The following OTULINL variants were observed in gnomAD, a reference collection of about 807,000 sequenced individuals.
OTULINL encodes the protein inactive ubiquitin thioesterase OTULINL.
A neutral mutation model predicts 43.9 loss-of-function variants in OTULINL; 42 were observed. The observed-to-expected ratio is 0.96, with a 90% CI of 0.75 to 1.24. The LOEUF (loss-of-function observed/expected upper bound fraction) is 1.24, where lower values mean the gene tolerates loss of function less well. OTULINL is among the 50% of genes most tolerant of loss of function. The probability of loss-of-function intolerance (pLI) is 0.00; values close to 1 mark genes in which losing one functional copy is unlikely to be tolerated. For missense variants in OTULINL, 411 were observed against 426.4 expected, an observed-to-expected ratio of 0.96 and a Z score of 0.32; for synonymous variants, 172 against 153.6, an observed-to-expected ratio of 1.12 and a Z score of -0.88.
chr5:14,601,953 T>C (rs1759395931), intron 4 of OTULINL, among the ~76,000 whole-genome samples: 1 of 152,246 alleles, frequency 6.6e-6, no homozygotes, highest in African/African-American at 2.4e-5. Context: ...GTCGCATCCC[T>C]TATCTGCCCA....
intron 5 of OTULINL, 55 bp from the exon 6 acceptor site, chr5:14,607,275 G>T (rs1759499155): frequency 1.1e-5 from 17 of 1,578,924 alleles, no homozygotes; most frequent in Non-Finnish European, 1.4e-5. Context: ...ACAGCAAATT[G>T]TGTGTAATAA....
At chr5:14,603,837 C>T (rs1400360930) in intron 5 of OTULINL, among the ~76,000 whole-genome samples, 1 of 151,880 alleles carries the variant, frequency 6.6e-6, no homozygotes, top group African/African-American at 2.4e-5. Flanking sequence ...TGCAGTATGT[C>T]TAATATAGGA....
In OTULINL at chr5:14,613,579, A is replaced by G. The variant is rs2126789922; in HGVS notation, c.*3265A>G. Among the ~76,000 whole-genome samples the G allele has an allele frequency of 6.6e-6, 1 of 152,312 alleles. No homozygotes were observed. Among genetic ancestry groups the G allele is most frequent in the Middle Eastern group, 3.4e-3 (1 of 294 alleles). On this transcript the variant is annotated 3_prime_UTR_variant, in exon 8 of 8. Coordinates refer to ENST00000274217, the MANE Select transcript of OTULINL (RefSeq NM_019018.3). ...AATCGTGTTTTATCTCCAAAGTAAA[A>G]TGATAACTATGGGTGGCTTCTGGGC...
rs950182224 is a variant in OTULINL, at chr5:14,613,061, T to G, written c.*2747T>G. The stretch of plus-strand genomic sequence containing the variant: ...CCTCAGCCTCCCGAGTAGCCGGGAT[T>G]ACAGGTGCCCACCACTACGCTCGAC... On this transcript the variant is annotated 3_prime_UTR_variant, in exon 8 of 8. Coordinates refer to ENST00000274217, the MANE Select transcript of OTULINL (RefSeq NM_019018.3). Among the ~76,000 whole-genome samples, 2 of 152,178 alleles carry G rather than the reference T, an allele frequency of 1.3e-5. No individual in the cohort carries two copies. The highest frequency in any genetic ancestry group is 1.3e-4 in the Admixed American group (2 of 15,274).
chr5:14,609,066 A>G, intron 7 of OTULINL, 49 bp downstream of exon 7: 2 of 1,566,408 alleles, frequency 1.3e-6, no homozygotes, highest in Non-Finnish European at 1.7e-6. Context: ...ATGCTGTGGC[A>G]CTATTTGAAC....
In OTULINL at chr5:14,611,070, T is replaced by G. The variant is rs373677589; in HGVS notation, c.*756T>G. ...GACAGTTATTGAACTATCACAAAAC[T>G]ATTAAACTGTGGTACATTTAATGTG... On this transcript the variant is annotated 3_prime_UTR_variant, in exon 8 of 8. Transcript: ENST00000274217. 10 of 152,340 alleles carry G rather than the reference T, an allele frequency of 6.6e-5. No individual in the cohort carries two copies. In the East Asian group the frequency reaches 1.7e-3, roughly 26 times the overall value. The allele number at this position is 152,340 out of a possible 1,614,324, so 9.4% of individuals were successfully genotyped here. A position where few individuals can be genotyped will look rare whatever the true frequency, so the allele number is the denominator to read the frequency against.
chr5:14,611,723 C>T lies in OTULINL; in HGVS notation c.*1409C>T, dbSNP rs551560335. On this transcript the variant is annotated 3_prime_UTR_variant, in exon 8 of 8. Transcript: ENST00000274217. ...TTTGATAGTTTTTTTTTTGGAGGTA[C>T]TTTGCTAGTCTGTTTTGAGTTTCAG... The T allele has an allele frequency of 6.6e-6, 1 of 151,674 alleles. No homozygotes were observed. The highest frequency in any genetic ancestry group is 1.9e-4 in the East Asian group (1 of 5,168). 9.4% of individuals were successfully genotyped at this position (151,674 alleles called of 1,614,324 possible). A position where few individuals can be genotyped will look rare whatever the true frequency, so the allele number is the denominator to read the frequency against.
At chr5:14,583,983 A>C (rs763662665) in intron 1 of OTULINL, among the ~76,000 whole-genome samples, 1 of 152,196 alleles carries the variant, frequency 6.6e-6, no homozygotes, top group Non-Finnish European at 1.5e-5. Flanking sequence ...TCTCTGCATA[A>C]TATTATCGGA....
chr5:14,607,428 A>G lies in OTULINL; in HGVS notation c.597A>G (p.Leu199=). The change falls in exon 6 of 8, where the codon CTA becomes CTG. Residue 199 remains leucine, a synonymous_variant. Transcript: ENST00000274217. ...CAGGCTCGAATGTGTTTGGAAAACT[A>G]CGGAAATATGTGGAATTATTGAAAA... The part of the protein sequence containing the change: ...KYTGSNVFGK[L]RKYVELLKTQ... The G allele has an allele frequency of 6.2e-7, 1 of 1,614,182 alleles. No homozygotes were observed. Among genetic ancestry groups the G allele is most frequent in the Non-Finnish European group, 8.5e-7 (1 of 1,180,010 alleles).
intron 1 of OTULINL, among the ~76,000 whole-genome samples, chr5:14,593,832 G>A (rs1191404523): frequency 6.6e-6 from 1 of 152,154 alleles, no homozygotes; most frequent in African/African-American, 2.4e-5. Context: ...AGTTTAGTGG[G>A]CGCCTTGGGG....
intron 1 of OTULINL, among the ~76,000 whole-genome samples, chr5:14,590,060 GCACAAAACAGACA>G (rs1055815855): frequency 1.5e-3 from 231 of 152,282 alleles, no homozygotes; most frequent in African/African-American, 5.4e-3. Context: ...AGGGAAATGG[GCACAAAACAGACA>G]CACAAAACAG....
Position 14,613,352 on chromosome 5 carries a change from C to T in OTULINL, c.*3038C>T, listed in dbSNP as rs966574555. Among the ~76,000 whole-genome samples the T allele has an allele frequency of 1.3e-5, 2 of 152,194 alleles. No homozygotes were observed. The highest frequency in any genetic ancestry group is 4.8e-5 in the African/African-American group (2 of 41,440). ...TTTCAAAGCAGGCAACTTTAATTCC[C>T]TACCTGGTATCTGGATTCCTTTTCC... On this transcript the variant is annotated 3_prime_UTR_variant, in exon 8 of 8. Coordinates refer to ENST00000274217, the MANE Select transcript of OTULINL (RefSeq NM_019018.3).
intron 6 of OTULINL, 59 bp downstream of exon 6, chr5:14,607,517 G>A: frequency 6.3e-7 from 1 of 1,596,848 alleles, no homozygotes; most frequent in Admixed American, 1.7e-5. Flanking sequence ...CCCAGATAGA[G>A]CCAGTTTTCT....
In OTULINL at chr5:14,591,954, A is replaced by G. The variant is rs374328070; in HGVS notation, c.65-9011A>G. On this transcript the variant is annotated intron_variant, in intron 1 of 7. Transcript: ENST00000274217. ...CATGTGAAAATTAGATGGAATATAA[A>G]TTTCAATGTCCATACATAAAGCTTT... is the stretch of plus-strand genomic sequence containing the variant. Among the ~76,000 whole-genome samples the G allele has an allele frequency of 8.5e-5, 13 of 152,312 alleles. No homozygotes were observed. The East Asian group carries it at 1.2e-3, about 14-fold the overall frequency.
chr5:14,602,408 C>A, intron 5 of OTULINL, 76 bp downstream of exon 5: 2 of 1,377,936 alleles, frequency 1.5e-6, no homozygotes, highest in Non-Finnish European at 1.0e-6. Flanking sequence ...TCTTTGGGGG[C>A]TTTGTACTCA....
intron 5 of OTULINL, among the ~76,000 whole-genome samples, chr5:14,604,383 C>T (rs11958987): frequency 0.015 from 2,333 of 152,120 alleles, 56 homozygotes; most frequent in African/African-American, 0.053. Flanking sequence ...GGTGGGGACA[C>T]GGCCAAACCA....
At chr5:14,587,702 C>T (rs901262990) in intron 1 of OTULINL, among the ~76,000 whole-genome samples, 1 of 152,128 alleles carries the variant, frequency 6.6e-6, no homozygotes, top group African/African-American at 2.4e-5. Flanking sequence ...TGGTATATCC[C>T]TCTATTTTTG....
chr5:14,582,881 G>A (rs1759038516), intron 1 of OTULINL, among the ~76,000 whole-genome samples: 1 of 151,290 alleles, frequency 6.6e-6, no homozygotes, highest in Non-Finnish European at 1.5e-5. Flanking sequence ...AGTTCAGTCA[G>A]GTGCTGGGTC....
chr5:14,591,431 C>T (rs1759199667), intron 1 of OTULINL, among the ~76,000 whole-genome samples: 1 of 152,172 alleles, frequency 6.6e-6, no homozygotes, highest in African/African-American at 2.4e-5. Flanking sequence ...AGGCCTCCCT[C>T]CCAAGGAGAG....
Sources: gnomAD v4.1 joint callset for allele counts (sites outside exome capture counted in the v4.1 genomes callset) on GRCh38, gnomAD v4.1.1 for gene constraint, MANE v1.5 for transcripts, NCBI Gene and HGNC (gene_info 2026-07-23, HGNC 2026-07-21) for gene names.